Variants in CFAP36 observed in about 807,000 individuals in gnomAD.
The protein encoded by CFAP36 is cilia and flagella associated protein 36.
CFAP36 carries 37 observed loss-of-function variants against 50.5 expected under a neutral mutation model. The ratio of observed to expected loss-of-function variants is 0.73; its 90% CI spans 0.56 to 0.96. The LOEUF is 0.96. CFAP36 is among the 50% of genes least tolerant of loss of function. CFAP36 has a pLI of 0.00. For missense variants in CFAP36, 407 were observed against 396.2 expected (o/e 1.03, Z -0.23); for synonymous variants, 138 against 128.2 (o/e 1.08, Z -0.52).
At chr2:55,532,716 T>G (rs1014394727) in intron 4 of CFAP36, among the ~76,000 whole-genome samples, 1 of 152,180 alleles carries the variant, frequency 6.6e-6, no homozygotes, top group Non-Finnish European at 1.5e-5. Context: ...TATATAAACA[T>G]CAGGAGGATT....
chr2:55,537,321 G>A (rs184791991), intron 6 of CFAP36, among the ~76,000 whole-genome samples, 162 bp from the exon 7 acceptor site: 1 of 152,054 alleles, frequency 6.6e-6, no homozygotes, highest in East Asian at 1.9e-4. Context: ...CAGTGAGTCA[G>A]GATCACACTA....
chr2:55,520,421 G>A, intron 1 of CFAP36: 1 of 1,548,068 alleles, frequency 6.5e-7, no homozygotes, highest in Non-Finnish European at 8.7e-7. Context: ...GCAAAGGAGG[G>A]CATGTGATAA....
At chr2:55,522,323 T>A (rs181792508) in intron 2 of CFAP36, among the ~76,000 whole-genome samples, 157 bp downstream of exon 2, 5 of 152,328 alleles carry the variant, frequency 3.3e-5, no homozygotes, top group Admixed American at 3.3e-4. Flanking sequence ...TCTCCACAGG[T>A]GCTCTGAATA....
intron 7 of CFAP36, among the ~76,000 whole-genome samples, chr2:55,543,049 G>A (rs539945804): frequency 2.3e-5 from 3 of 127,956 alleles, no homozygotes; most frequent in African/African-American, 9.2e-5. Context: ...GTTTTAGTAT[G>A]TATGCTGGCA....
At chr2:55,534,317 A>T (rs1171065963) in intron 5 of CFAP36, among the ~76,000 whole-genome samples, 1 of 152,140 alleles carries the variant, frequency 6.6e-6, no homozygotes, top group Non-Finnish European at 1.5e-5. Flanking sequence ...CTCACTATGG[A>T]GGTGGCATAT....
chr2:55,521,234 C>G (rs1399871632), intron 1 of CFAP36, among the ~76,000 whole-genome samples: 1 of 139,224 alleles, frequency 7.2e-6, no homozygotes, highest in Non-Finnish European at 1.5e-5. Flanking sequence ...GACAGAGTGT[C>G]GCTCTGTTGC....
chr2:55,524,422 A>ATTTTT (rs57908457), intron 3 of CFAP36, among the ~76,000 whole-genome samples: 26 of 99,370 alleles, frequency 2.6e-4, no homozygotes, highest in Non-Finnish European at 3.0e-4. Context: ...CACATGGCTA[A>ATTTTT]TTTTTTTTTT....
intron 5 of CFAP36, 48 bp from the exon 6 acceptor site, chr2:55,535,664 G>A: frequency 2.2e-6 from 3 of 1,394,786 alleles, no homozygotes; most frequent in Non-Finnish European, 2.9e-6. Context: ...TTTGTTCTTT[G>A]ACCAAAAAAG....
At chr2:55,533,533 T>C (rs1684404390) in intron 4 of CFAP36, among the ~76,000 whole-genome samples, 1 of 151,782 alleles carries the variant, frequency 6.6e-6, no homozygotes, top group Non-Finnish European at 1.5e-5. Flanking sequence ...TGAAACCCCA[T>C]CTCTACTAAA....
intron 6 of CFAP36, among the ~76,000 whole-genome samples, chr2:55,536,758 T>A (rs1242151932): frequency 1.3e-5 from 2 of 151,738 alleles, no homozygotes; most frequent in Non-Finnish European, 1.5e-5. Context: ...ATATACTTTT[T>A]TTTTGAGACT....
At chr2:55,523,637 C>G (rs1184034530) in intron 2 of CFAP36, 84 bp from the exon 3 acceptor site, 1 of 814,378 alleles carries the variant, frequency 1.2e-6, no homozygotes, top group Non-Finnish European at 1.9e-6. Context: ...TTCGATGATA[C>G]TTTTCTAAAC....
chr2:55,528,257 T>C (rs373318198), intron 3 of CFAP36, among the ~76,000 whole-genome samples: 2 of 151,042 alleles, frequency 1.3e-5, no homozygotes, highest in East Asian at 1.9e-4. Context: ...TATAAACAAA[T>C]GCCCCTCTTT....
Position 55,528,891 on chromosome 2 carries a change from C to A in CFAP36, c.296C>A (p.Pro99His). Residue 99 changes from proline to histidine, a missense_variant, in exon 4 of 10, where the codon CCT becomes CAT. Coordinates refer to ENST00000349456, the MANE Select transcript of CFAP36 (RefSeq NM_080667.7). ...KTHTSQAILQ[P>H]VLAAEDFTIF... ...TTCTTTCCACAGGCCATTTTGCAAC[C>A]TGTGTTGGCAGCAGAAGATTTTACT... 6.2e-7 allele frequency: 1 copy of A among 1,602,092 alleles called. No individual in the cohort carries two copies. Among genetic ancestry groups the A allele is most frequent in the Non-Finnish European group, 8.5e-7 (1 of 1,174,950 alleles).
intron 3 of CFAP36, among the ~76,000 whole-genome samples, chr2:55,527,373 A>T (rs1342140702): frequency 6.6e-6 from 1 of 152,050 alleles, no homozygotes; most frequent in Non-Finnish European, 1.5e-5. Flanking sequence ...ACTTGAGGTC[A>T]GGAGTTCGAG....
At chr2:55,520,080 G>A (rs1212663825) in intron 1 of CFAP36, among the ~76,000 whole-genome samples, 164 bp downstream of exon 1, 1 of 152,186 alleles carries the variant, frequency 6.6e-6, no homozygotes, top group East Asian at 1.9e-4. Context: ...GCGTCATCAG[G>A]TTTAGAGCTG....
chr2:55,523,146 C>T (rs1684117231), intron 2 of CFAP36, among the ~76,000 whole-genome samples: 1 of 150,400 alleles, frequency 6.6e-6, no homozygotes, highest in South Asian at 2.1e-4. Flanking sequence ...CGTGGTGGCT[C>T]ATGCCTATAA....
In CFAP36 at chr2:55,519,781, C is replaced by T. The variant is rs1684004791; in HGVS notation, c.-21C>T. ...CGGCGGTCTGGCCTAGGGATCTTCC[C>T]CGTTGCCCCTTTGGGGCGGGATGGC... On this transcript the variant is annotated 5_prime_UTR_variant, in exon 1 of 10. Coordinates refer to ENST00000349456, the MANE Select transcript of CFAP36 (RefSeq NM_080667.7). 4 of 1,612,280 alleles carry T rather than the reference C, an allele frequency of 2.5e-6. No individual in the cohort carries two copies. Among genetic ancestry groups the T allele is most frequent in the Admixed American group, 1.7e-5 (1 of 60,024 alleles).
At chr2:55,522,285 A>G in intron 2 of CFAP36, 119 bp downstream of exon 2, 1 of 572,814 alleles carries the variant, frequency 1.7e-6, no homozygotes, top group South Asian at 2.6e-5. Flanking sequence ...AATCCAATCT[A>G]CCTTAACAAT....
At position 55,523,841 on chromosome 2, in the gene CFAP36, TCTG is replaced by T. The variant is rs1200505295; in HGVS notation, c.282+22_282+24del. On this transcript the variant is annotated intron_variant, in intron 3 of 9. Coordinates refer to ENST00000349456, the MANE Select transcript of CFAP36 (RefSeq NM_080667.7). ...ATCACAGGTTTTTGCTTTGTGTTATTCTGCTAACATACAGTTTTAACAAATGCC... is the reference window on the plus strand; with the variant it reads ...ATCACAGGTTTTTGCTTTGTGTTATTCTAACATACAGTTTTAACAAATGCC... 2 of 1,500,678 alleles carry T rather than the reference TCTG, an allele frequency of 1.3e-6. No individual in the cohort carries two copies. The highest frequency in any genetic ancestry group is 1.2e-5 in the South Asian group (1 of 81,782). The allele number at this position is 1,500,678 out of a possible 1,614,324, so 93.0% of individuals were successfully genotyped here. A position where few individuals can be genotyped will look rare whatever the true frequency, so the allele number is the denominator to read the frequency against.
Sources: gnomAD v4.1 joint callset for allele counts (sites outside exome capture counted in the v4.1 genomes callset) on GRCh38, gnomAD v4.1.1 for gene constraint, MANE v1.5 for transcripts, NCBI Gene and HGNC (gene_info 2026-07-23, HGNC 2026-07-21) for gene names.